Variants in PAQR5 observed in about 807,000 individuals in gnomAD.
PAQR5 encodes the protein progestin and adipoQ receptor family member 5, also known as membrane progestin receptor gamma.
Under a neutral mutation model 34.5 loss-of-function variants are expected in PAQR5, and 20 were observed. The observed-to-expected ratio is 0.58, with a 90% CI of 0.41 to 0.84. The LOEUF (loss-of-function observed/expected upper bound fraction) is 0.84. Ranked by LOEUF, PAQR5 falls within the 40% of genes least tolerant of loss-of-function variation. The pLI, the probability that PAQR5 is intolerant of heterozygous loss-of-function variation, is 0.00. For synonymous variants in PAQR5, 131 were observed against 155.6 expected (o/e 0.84, Z 1.18); for missense variants, 378 against 412.7 (o/e 0.92, Z 0.73).
chr15:69,393,632 C>T (rs1274155037), intron 6 of PAQR5, among the ~76,000 whole-genome samples: 1 of 152,182 alleles, frequency 6.6e-6, no homozygotes, highest in East Asian at 1.9e-4. Flanking sequence ...CTCCATCCGG[C>T]TGCAGTTGGG....
chr15:69,384,662 C>A lies in PAQR5; in HGVS notation c.180-15C>A, dbSNP rs1267704141. ...GTGTTCATGGTGGAGGGTGAGTGAG[C>A]CCTCTGTGTTCCAGGTTCTTTGCAT... is the stretch of plus-strand genomic sequence containing the variant. On this transcript the variant is annotated splice_polypyrimidine_tract_variant and intron_variant, in intron 4 of 8. Coordinates refer to ENST00000395407, the MANE Select transcript of PAQR5 (RefSeq NM_017705.4). 1 of 1,597,584 alleles carries A rather than the reference C, an allele frequency of 6.3e-7. No homozygotes were observed. Among genetic ancestry groups the A allele is most frequent in the Non-Finnish European group, 8.6e-7 (1 of 1,165,286 alleles).
intron 4 of PAQR5, among the ~76,000 whole-genome samples, chr15:69,383,574 G>C (rs2055995449): frequency 1.6e-5 from 2 of 126,674 alleles, no homozygotes; most frequent in African/African-American, 3.2e-5. Flanking sequence ...GGGTTAGTGG[G>C]CCTCTGTGCT....
chr15:69,327,935 C>T (rs756493642), intron 1 of PAQR5, among the ~76,000 whole-genome samples: 10 of 152,084 alleles, frequency 6.6e-5, no homozygotes, highest in Non-Finnish European at 1.0e-4. Flanking sequence ...CCTGCCACCA[C>T]ACCCGGCTAA....
At chr15:69,335,972 T>A (rs1271553808) in intron 1 of PAQR5, among the ~76,000 whole-genome samples, 4 of 152,194 alleles carry the variant, frequency 2.6e-5, no homozygotes, top group Admixed American at 6.5e-5. Flanking sequence ...ACGATTTTTA[T>A]GTAATGTTAA....
chr15:69,402,234 G>A (rs2056652057), intron 8 of PAQR5, among the ~76,000 whole-genome samples: 1 of 152,092 alleles, frequency 6.6e-6, no homozygotes, highest in Non-Finnish European at 1.5e-5. Context: ...TCTCTCTTTG[G>A]CTTGTCGATG....
intron 1 of PAQR5, among the ~76,000 whole-genome samples, chr15:69,305,438 C>T (rs2053693294): frequency 6.6e-6 from 1 of 152,002 alleles, no homozygotes; most frequent in Admixed American, 6.6e-5. Flanking sequence ...TGGAGGGGCC[C>T]CTTGGACCTC....
chr15:69,383,618 G>A (rs1378385023), intron 4 of PAQR5, among the ~76,000 whole-genome samples: 1 of 131,386 alleles, frequency 7.6e-6, no homozygotes, highest in African/African-American at 3.0e-5. Flanking sequence ...TTGTGTTCAT[G>A]GTGGAGGGTG....
At chr15:69,339,168 A>ACTCCCCC (rs111647955) in intron 2 of PAQR5, among the ~76,000 whole-genome samples, 1 of 134,068 alleles carries the variant, frequency 7.5e-6, no homozygotes, top group African/African-American at 2.6e-5. Context: ...CCCACTGGCT[A>ACTCCCCC]CACCCCCCAC....
Position 69,300,645 on chromosome 15 carries a change from CTTTCTTTTCTTTCTTTCTTTCATTCTT to C in PAQR5, c.-277+1591_-277+1617del, listed in dbSNP as rs1566985433. Reference sequence around the variant, plus strand: ...TCTTTCTTTCTTTCTTTCTTTCTTTCTTTCTTTTCTTTCTTTCTTTCATTCTTTCTCTTCCTTCCTCCCTCCCTCTCT... The same window carrying C: ...TCTTTCTTTCTTTCTTTCTTTCTTTCTCTCTTCCTTCCTCCCTCCCTCTCT... On this transcript the variant is annotated intron_variant, in intron 1 of 8. Coordinates refer to ENST00000395407, the MANE Select transcript of PAQR5 (RefSeq NM_017705.4). Among the ~76,000 whole-genome samples the C allele has an allele frequency of 3.0e-3, 97 of 32,366 alleles. 13 individuals carry two copies. Among genetic ancestry groups the C allele is most frequent in the East Asian group, 7.5e-3 (10 of 1,334 alleles). The allele number at this position is 32,366 out of a possible 152,430, so 21.2% of individuals were successfully genotyped here.
chr15:69,311,105 G>T (rs1371119604), intron 1 of PAQR5, among the ~76,000 whole-genome samples: 3 of 151,030 alleles, frequency 2.0e-5, no homozygotes, highest in African/African-American at 7.3e-5. Context: ...CTAGAGAGGG[G>T]ATCTCTGATA....
At chr15:69,334,946 G>A (rs1022924565) in intron 1 of PAQR5, among the ~76,000 whole-genome samples, 2 of 152,126 alleles carry the variant, frequency 1.3e-5, no homozygotes, top group African/African-American at 4.8e-5. Flanking sequence ...AAATTGGCTG[G>A]GCGCGGTGGC....
At chr15:69,384,169 G>T (rs1295501402) in intron 4 of PAQR5, among the ~76,000 whole-genome samples, 1 of 145,094 alleles carries the variant, frequency 6.9e-6, no homozygotes, top group Non-Finnish European at 1.5e-5. Flanking sequence ...ATGGTGGAGG[G>T]TGAGCGGGGC....
At chr15:69,345,646 A>G (rs192095010) in intron 2 of PAQR5, among the ~76,000 whole-genome samples, 1 of 152,280 alleles carries the variant, frequency 6.6e-6, no homozygotes, top group East Asian at 1.9e-4. Context: ...GGAACTCAGC[A>G]TGTCCTGGAG....
intron 3 of PAQR5, among the ~76,000 whole-genome samples, chr15:69,367,854 G>C (rs2055442482): frequency 6.6e-6 from 1 of 152,202 alleles, no homozygotes; most frequent in South Asian, 2.1e-4. Context: ...CTGGAAGTTA[G>C]TGGGCCTTTC....
At chr15:69,403,536 T>C (rs1169393823) in intron 8 of PAQR5, 45 bp from the exon 9 acceptor site, 1 of 1,603,302 alleles carries the variant, frequency 6.2e-7, no homozygotes, top group Non-Finnish European at 8.5e-7. Context: ...TCAGTACTCA[T>C]TCCTTTTCAT....
At chr15:69,312,618 C>A (rs1451738439) in intron 1 of PAQR5, among the ~76,000 whole-genome samples, 3 of 151,670 alleles carry the variant, frequency 2.0e-5, no homozygotes, top group African/African-American at 7.3e-5. Flanking sequence ...ATGAAAACCC[C>A]CCTTCTCCTG....
chr15:69,358,854 G>T (rs1314396072), intron 2 of PAQR5, among the ~76,000 whole-genome samples: 1 of 151,948 alleles, frequency 6.6e-6, no homozygotes, highest in Non-Finnish European at 1.5e-5. Context: ...GGGCTCAACT[G>T]ATCGTCCCAT....
intron 1 of PAQR5, among the ~76,000 whole-genome samples, chr15:69,324,049 C>A (rs1279667645): frequency 1.4e-5 from 2 of 147,804 alleles, no homozygotes; most frequent in African/African-American, 5.0e-5. Context: ...CTGCAATGTG[C>A]TAGGGAATAT....
At chr15:69,394,101 GT>G (rs549479900) in intron 6 of PAQR5, among the ~76,000 whole-genome samples, 12 of 138,662 alleles carry the variant, frequency 8.7e-5, no homozygotes, top group Admixed American at 1.4e-4. Flanking sequence ...ACCATTGATT[GT>G]TTTTTTTTTG....
Sources: allele counts gnomAD v4.1 joint callset (sites outside exome capture counted in the v4.1 genomes callset), GRCh38; gene constraint gnomAD v4.1.1; transcripts MANE v1.5; gene names NCBI Gene and HGNC (gene_info 2026-07-23, HGNC 2026-07-21).